The following KCNIP4 variants were observed in gnomAD, a reference collection of about 807,000 sequenced individuals.
The protein encoded by KCNIP4 is Kv channel-interacting protein 4.
A neutral mutation model predicts 34.0 loss-of-function variants in KCNIP4; 12 were observed. The observed-to-expected ratio is 0.35, with a 90% CI of 0.23 to 0.57. The LOEUF (loss-of-function observed/expected upper bound fraction) is 0.57. KCNIP4 is among the 20% of genes least tolerant of loss of function. KCNIP4 has a pLI of 0.83. For synonymous variants in KCNIP4, 124 were observed against 102.2 expected, an observed-to-expected ratio of 1.21 and a Z score of -1.29; for missense variants, 238 against 311.7, an observed-to-expected ratio of 0.76 and a Z score of 1.78.
intron 1 of KCNIP4, among the ~76,000 whole-genome samples, chr4:21,353,187 G>T (rs559114377): frequency 1.3e-5 from 2 of 152,134 alleles, no homozygotes; most frequent in East Asian, 3.9e-4. Flanking sequence ...CAAAGATGGG[G>T]AGAAACCAGA....
At chr4:21,592,502 T>C (rs941197168) in intron 1 of KCNIP4, among the ~76,000 whole-genome samples, 1 of 152,106 alleles carries the variant, frequency 6.6e-6, no homozygotes. Context: ...GATAATTTTG[T>C]TAAGGTTGAT....
intron 3 of KCNIP4, among the ~76,000 whole-genome samples, chr4:20,834,364 G>C (rs547870542): frequency 6.6e-6 from 1 of 152,128 alleles, no homozygotes; most frequent in African/African-American, 2.4e-5. Flanking sequence ...CAGGGTACTG[G>C]GTATATGTGG....
At chr4:21,120,440 C>T (rs1386275134) in intron 1 of KCNIP4, among the ~76,000 whole-genome samples, 3 of 152,132 alleles carry the variant, frequency 2.0e-5, no homozygotes, top group African/African-American at 4.8e-5. Context: ...TCTCACACTG[C>T]TATAAAGAAA....
intron 1 of KCNIP4, among the ~76,000 whole-genome samples, chr4:21,869,651 T>C (rs1216680975): frequency 7.9e-6 from 1 of 127,000 alleles, no homozygotes; most frequent in Non-Finnish European, 1.7e-5. Flanking sequence ...CTTTTAGGAA[T>C]TTTTTTTCCT....
intron 1 of KCNIP4, among the ~76,000 whole-genome samples, chr4:21,860,073 C>G (rs1724985642): frequency 6.6e-6 from 1 of 152,104 alleles, no homozygotes; most frequent in African/African-American, 2.4e-5. Flanking sequence ...GGGTATTGAA[C>G]CAAACATAAT....
At chr4:21,774,164 G>A (rs140144586) in intron 1 of KCNIP4, among the ~76,000 whole-genome samples, 2 of 152,146 alleles carry the variant, frequency 1.3e-5, no homozygotes, top group African/African-American at 4.8e-5. Flanking sequence ...TTGCTTGTCT[G>A]GAAAGGATTT....
chr4:20,939,137 C>G (rs900374912), intron 1 of KCNIP4, among the ~76,000 whole-genome samples: 3 of 152,164 alleles, frequency 2.0e-5, no homozygotes, highest in Admixed American at 6.5e-5. Flanking sequence ...TGCTCTAAAT[C>G]TCTCACCATT....
chr4:20,905,098 G>A (rs981534627), intron 1 of KCNIP4, among the ~76,000 whole-genome samples: 1 of 152,120 alleles, frequency 6.6e-6, no homozygotes, highest in Admixed American at 6.5e-5. Context: ...ACGTTGCTAG[G>A]GCTGCTCTAA....
intron 1 of KCNIP4, among the ~76,000 whole-genome samples, chr4:21,790,125 C>T (rs550241791): frequency 1.3e-5 from 2 of 152,250 alleles, no homozygotes; most frequent in Admixed American, 1.3e-4. Context: ...TGGGAAGAAA[C>T]CACATACTGC....
At chr4:21,816,572 T>C (rs191688244) in intron 1 of KCNIP4, among the ~76,000 whole-genome samples, 1 of 152,210 alleles carries the variant, frequency 6.6e-6, no homozygotes, top group African/African-American at 2.4e-5. Flanking sequence ...TCCCTCCCTT[T>C]CTCCCAGTAC....
At chr4:21,697,234 A>G (rs775405542) in intron 1 of KCNIP4, 18 of 1,279,286 alleles carry the variant, frequency 1.4e-5, no homozygotes, top group Non-Finnish European at 1.8e-5. Context: ...CATTTTATTG[A>G]CAACATTAAA....
At chr4:21,383,771 C>A (rs369046110) in intron 1 of KCNIP4, among the ~76,000 whole-genome samples, 16 of 152,156 alleles carry the variant, frequency 1.1e-4, no homozygotes, top group African/African-American at 3.9e-4. Context: ...ATCACCACAA[C>A]ACCCAGAGGG....
intron 1 of KCNIP4, among the ~76,000 whole-genome samples, chr4:21,375,769 C>A (rs1254372373): frequency 6.6e-6 from 1 of 151,876 alleles, no homozygotes; most frequent in Non-Finnish European, 1.5e-5. Context: ...GGGGTTTCAC[C>A]GTGTTACCAG....
chr4:21,083,688 G>A (rs1746190917), intron 1 of KCNIP4, among the ~76,000 whole-genome samples: 2 of 151,902 alleles, frequency 1.3e-5, no homozygotes, highest in African/African-American at 4.9e-5. Context: ...TAAAAGGAAT[G>A]TGACCCTATT....
intron 1 of KCNIP4, among the ~76,000 whole-genome samples, chr4:21,074,110 T>A (rs1033189064): frequency 2.0e-5 from 3 of 152,184 alleles, no homozygotes; most frequent in African/African-American, 7.2e-5. Flanking sequence ...TTTTTTGTTG[T>A]GTCTTTGCCA....
intron 1 of KCNIP4, among the ~76,000 whole-genome samples, chr4:21,581,395 G>T (rs933178157): frequency 7.2e-5 from 11 of 151,860 alleles, no homozygotes; most frequent in African/African-American, 2.7e-4. Flanking sequence ...AAAACGTATT[G>T]ATCCTTATAT....
At chr4:21,901,968 T>C (rs764357714) in intron 1 of KCNIP4, among the ~76,000 whole-genome samples, 3 of 152,174 alleles carry the variant, frequency 2.0e-5, no homozygotes, top group Non-Finnish European at 4.4e-5. Context: ...AATAGATACT[T>C]TATAAATTTA....
At chr4:21,839,403 A>C (rs1386288572) in intron 1 of KCNIP4, among the ~76,000 whole-genome samples, 2 of 152,190 alleles carry the variant, frequency 1.3e-5, no homozygotes, top group African/African-American at 4.8e-5. Context: ...AATGCCAAGT[A>C]TTTGAAAAAT....
At chr4:21,879,803 CAT>C (rs1422266097) in intron 1 of KCNIP4, among the ~76,000 whole-genome samples, 7 of 152,122 alleles carry the variant, frequency 4.6e-5, no homozygotes, top group African/African-American at 1.7e-4. Context: ...ATAATCCCCA[CAT>C]GTCATGGAAG....
Sources: allele counts gnomAD v4.1 joint callset (sites outside exome capture counted in the v4.1 genomes callset), GRCh38; gene constraint gnomAD v4.1.1; transcripts MANE v1.5; gene names NCBI Gene and HGNC (gene_info 2026-07-23, HGNC 2026-07-21).